Variants in NRG3 observed in about 807,000 individuals in gnomAD.
NRG3 encodes the protein pro-neuregulin-3, membrane-bound isoform.
NRG3 carries 31 observed loss-of-function variants against 66.9 expected under a neutral mutation model. The observed-to-expected ratio is 0.46, with a 90% CI of 0.35 to 0.63. The LOEUF (loss-of-function observed/expected upper bound fraction) is 0.63. NRG3 is among the 20% of genes least tolerant of loss of function. The pLI, the probability that NRG3 is intolerant of heterozygous loss-of-function variation, is 0.00. For synonymous variants in NRG3, 393 were observed against 359.4 expected, an observed-to-expected ratio of 1.09 and a Z score of -1.06; for missense variants, 910 against 878.9, an observed-to-expected ratio of 1.04 and a Z score of -0.45.
rs1489641565 is a variant in NRG3, at chr10:82,647,966, C to G, written c.954-90611C>G. The stretch of plus-strand genomic sequence containing the variant: ...CCATTTTGTAGGTTGCCTGTTCACT[C>G]TGATGGTAGTTTCTTTTGCTGTGCA... On this transcript the variant is annotated intron_variant, in intron 2 of 8. Transcript: ENST00000372141. Among the ~76,000 whole-genome samples the G allele has an allele frequency of 8.8e-5, 13 of 147,738 alleles. No individual in the cohort carries two copies. The East Asian group carries it at 2.6e-3, about 29-fold the overall frequency.
chr10:82,907,094 A>G (rs1191295038), intron 4 of NRG3, among the ~76,000 whole-genome samples: 2 of 152,152 alleles, frequency 1.3e-5, no homozygotes, highest in Non-Finnish European at 2.9e-5. Flanking sequence ...AATGAAGAAA[A>G]TGTTCTTTAT....
intron 1 of NRG3, among the ~76,000 whole-genome samples, chr10:82,153,565 TG>T (rs2132829111): frequency 6.6e-6 from 1 of 152,136 alleles, no homozygotes; most frequent in Non-Finnish European, 1.5e-5. Context: ...TTAATTCCTT[TG>T]GGCATATACT....
chr10:82,144,623 G>C (rs2070107499), intron 1 of NRG3, among the ~76,000 whole-genome samples: 2 of 152,186 alleles, frequency 1.3e-5, no homozygotes, highest in Non-Finnish European at 2.9e-5. Context: ...CAGTGTTTAT[G>C]TGAAAAGAGA....
intron 2 of NRG3, among the ~76,000 whole-genome samples, chr10:82,594,862 C>G (rs1402644833): frequency 1.3e-5 from 2 of 151,886 alleles, no homozygotes; most frequent in African/African-American, 2.4e-5. Flanking sequence ...TTGGACCCTA[C>G]CATGGTATCA....
rs528145281 is a variant in NRG3, at chr10:82,365,170, A to G, written c.953+6302A>G. Among the ~76,000 whole-genome samples, 3 of 152,330 alleles carry G rather than the reference A, an allele frequency of 2.0e-5. No homozygotes were observed. The South Asian group carries it at 6.2e-4, about 32-fold the overall frequency. ...CCTCTATATCAAATGGTTCTCCAGT[A>G]AGTGCTCTGAGAGCAGCAGCTAATG... On this transcript the variant is annotated intron_variant, in intron 2 of 8. Transcript: ENST00000372141.
intron 1 of NRG3, among the ~76,000 whole-genome samples, chr10:82,235,772 G>A (rs1485834604): frequency 6.6e-6 from 1 of 152,182 alleles, no homozygotes; most frequent in Non-Finnish European, 1.5e-5. Flanking sequence ...GCTCTGAGCT[G>A]CATACTAGTT....
intron 1 of NRG3, among the ~76,000 whole-genome samples, chr10:82,055,971 T>C (rs1164115326): frequency 3.3e-5 from 5 of 152,182 alleles, no homozygotes; most frequent in Non-Finnish European, 7.3e-5. Flanking sequence ...TGTGAAATCA[T>C]TCTTTAAGGG....
intron 5 of NRG3, among the ~76,000 whole-genome samples, chr10:82,955,750 A>G (rs1048612028): frequency 1.3e-5 from 2 of 151,982 alleles, no homozygotes; most frequent in Non-Finnish European, 2.9e-5. Context: ...TTAATGGCAG[A>G]CACTCTGATG....
At chr10:82,432,059 A>G (rs755663903) in intron 2 of NRG3, among the ~76,000 whole-genome samples, 1 of 152,216 alleles carries the variant, frequency 6.6e-6, no homozygotes, top group Admixed American at 6.5e-5. Flanking sequence ...ATAGATTTAC[A>G]TACTGCTGCC....
At chr10:82,829,727 A>T (rs1178810130) in intron 3 of NRG3, among the ~76,000 whole-genome samples, 2 of 152,192 alleles carry the variant, frequency 1.3e-5, no homozygotes, top group Admixed American at 6.5e-5. Flanking sequence ...TCGCCAGGTC[A>T]TTCAGGTTTT....
intron 1 of NRG3, among the ~76,000 whole-genome samples, chr10:82,024,632 A>G (rs1019426770): frequency 6.6e-6 from 1 of 151,994 alleles, no homozygotes; most frequent in African/African-American, 2.4e-5. Context: ...AATGAGCACT[A>G]GACTGAGATC....
chr10:82,830,728 T>C (rs931213391), intron 3 of NRG3, among the ~76,000 whole-genome samples: 2 of 152,180 alleles, frequency 1.3e-5, no homozygotes, highest in Admixed American at 6.5e-5. Context: ...TTGTAGCCTA[T>C]ATGTTTGTGT....
At chr10:82,632,001 C>G (rs1291041047) in intron 2 of NRG3, among the ~76,000 whole-genome samples, 1 of 152,024 alleles carries the variant, frequency 6.6e-6, no homozygotes, top group African/African-American at 2.4e-5. Flanking sequence ...ACTTGGGAGG[C>G]TGAGGCAGAA....
chr10:82,858,070 TG>T (rs1391750154), intron 3 of NRG3, among the ~76,000 whole-genome samples: 1 of 152,212 alleles, frequency 6.6e-6, no homozygotes, highest in African/African-American at 2.4e-5. Context: ...AGATTGGATC[TG>T]GCTGCCACAC....
chr10:82,647,302 G>A (rs2051020556), intron 2 of NRG3, among the ~76,000 whole-genome samples: 5 of 152,076 alleles, frequency 3.3e-5, no homozygotes, highest in Admixed American at 2.6e-4. Flanking sequence ...ATGATTTCCA[G>A]TTTCATCCTT....
At chr10:82,038,528 A>G (rs1033331900) in intron 1 of NRG3, among the ~76,000 whole-genome samples, 1 of 152,150 alleles carries the variant, frequency 6.6e-6, no homozygotes, top group Non-Finnish European at 1.5e-5. Context: ...AGACTACTAG[A>G]AGTCACAACC....
chr10:82,837,925 C>A (rs997532140), intron 3 of NRG3, among the ~76,000 whole-genome samples: 39 of 152,068 alleles, frequency 2.6e-4, no homozygotes, highest in African/African-American at 9.4e-4. Flanking sequence ...GTAGTACCTG[C>A]ATGTACGCAT....
chr10:82,151,156 G>A (rs1489219581), intron 1 of NRG3, among the ~76,000 whole-genome samples: 1 of 152,148 alleles, frequency 6.6e-6, no homozygotes, highest in African/African-American at 2.4e-5. Context: ...ACAGAGGAAC[G>A]GCTGAGGATA....
chr10:81,979,835 A>G (rs1385224432), intron 1 of NRG3, among the ~76,000 whole-genome samples: 1 of 152,244 alleles, frequency 6.6e-6, no homozygotes. Flanking sequence ...ATAAATTAAT[A>G]GACAGTTTAA....
Sources: allele counts gnomAD v4.1 joint callset (sites outside exome capture counted in the v4.1 genomes callset), GRCh38; gene constraint gnomAD v4.1.1; transcripts MANE v1.5; gene names NCBI Gene and HGNC (gene_info 2026-07-23, HGNC 2026-07-21).